CELF2: variants seen among roughly 807,000 people sequenced by gnomAD.
CELF2 encodes CUG triplet repeat RNA-binding protein 2.
A neutral mutation model predicts 62.6 loss-of-function variants in CELF2; 8 were observed. The observed-to-expected ratio is 0.13, with a 90% confidence interval of 0.07 to 0.23. The LOEUF (loss-of-function observed/expected upper bound fraction) is 0.23. Ranked by LOEUF, CELF2 falls within the 10% of genes least tolerant of loss-of-function variation. CELF2 has a pLI of 1.00. For synonymous variants in CELF2, 258 were observed against 250.0 expected (o/e 1.03, Z -0.30); for missense variants, 333 against 671.0 (o/e 0.50, Z 5.56).
intron 1 of CELF2, among the ~76,000 whole-genome samples, chr10:10,829,904 T>G (rs1193995292): frequency 6.6e-6 from 1 of 152,222 alleles, no homozygotes; most frequent in Admixed American, 6.5e-5. Context: ...TTTTTGGAAC[T>G]GATGTCATCT....
chr10:11,240,805 C>T (rs117514627), intron 3 of CELF2, among the ~76,000 whole-genome samples: 260 of 152,226 alleles, frequency 1.7e-3, no homozygotes, highest in South Asian at 6.8e-3. Flanking sequence ...TTATGTGTAG[C>T]GTGGAAGAGG....
chr10:10,689,772 AG>A, the CELF2 span, among the ~76,000 whole-genome samples: 4 of 152,222 alleles, frequency 2.6e-5, no homozygotes, highest in African/African-American at 9.6e-5. Flanking sequence ...GAATTTCAAT[AG>A]AATTGAAAGT....
intron 2 of CELF2, among the ~76,000 whole-genome samples, chr10:10,976,001 C>T (rs1046564923): frequency 8.5e-5 from 13 of 152,212 alleles, no homozygotes; most frequent in Non-Finnish European, 1.8e-4. Flanking sequence ...GGGAAAGGGG[C>T]AGTAACTTCC....
At chr10:10,945,035 G>A (rs918691581) in intron 2 of CELF2, among the ~76,000 whole-genome samples, 22 of 152,180 alleles carry the variant, frequency 1.4e-4, no homozygotes, top group Non-Finnish European at 2.6e-4. Context: ...ATCAGCCTGA[G>A]AGGAGAGCCC....
intron 2 of CELF2, among the ~76,000 whole-genome samples, chr10:11,179,261 G>A (rs763869871): frequency 8.7e-5 from 13 of 148,990 alleles, no homozygotes; most frequent in Admixed American, 2.1e-4. Flanking sequence ...AATAAAAATA[G>A]GCACGTAATA....
chr10:10,835,613 C>T (rs2058225431), intron 1 of CELF2, among the ~76,000 whole-genome samples: 1 of 152,116 alleles, frequency 6.6e-6, no homozygotes, highest in Non-Finnish European at 1.5e-5. Flanking sequence ...AAACTCCTGA[C>T]CTCAGGTGAT....
At chr10:10,733,053 G>C in the CELF2 span, among the ~76,000 whole-genome samples, 155 of 152,240 alleles carry the variant, frequency 1.0e-3, no homozygotes, top group South Asian at 4.4e-3. Context: ...AGTAACTGCA[G>C]GACCATATTT....
chr10:10,673,577 T>C, the CELF2 span, among the ~76,000 whole-genome samples: 1 of 152,094 alleles, frequency 6.6e-6, no homozygotes, highest in African/African-American at 2.4e-5. Flanking sequence ...TTCTACTTAC[T>C]TTGGATTTAA....
At chr10:10,791,857 C>T in the CELF2 span, among the ~76,000 whole-genome samples, 2 of 151,858 alleles carry the variant, frequency 1.3e-5, no homozygotes, top group Admixed American at 6.6e-5. Context: ...TTTTTCTTAA[C>T]GGGGTTTGTA....
At chr10:11,180,254 C>G (rs1360932103) in intron 2 of CELF2, among the ~76,000 whole-genome samples, 2 of 152,128 alleles carry the variant, frequency 1.3e-5, no homozygotes, top group Non-Finnish European at 2.9e-5. Context: ...AAAGCGGCAA[C>G]AAGAGTGGAA....
chr10:11,058,160 T>G lies in CELF2; in HGVS notation c.74+39997T>G, dbSNP rs1236089939. On this transcript the variant is annotated intron_variant, in intron 1 of 12. Transcript: ENST00000633077. ...CATGTTCCAGTCGAGTTGTAGTATT[T>G]ATTGCAAACAAGTAGGCATAAAATA... 2.6e-5 allele frequency among the ~76,000 whole-genome samples: 4 copies of G among 152,102 alleles called. No individual in the cohort carries two copies. The South Asian group carries it at 8.3e-4, about 31-fold the overall frequency.
At chr10:11,245,412 T>G (rs1208081438) in intron 3 of CELF2, among the ~76,000 whole-genome samples, 1 of 152,258 alleles carries the variant, frequency 6.6e-6, no homozygotes, top group Non-Finnish European at 1.5e-5. Context: ...CACCTTTCTC[T>G]AAGAAGGTCA....
At chr10:10,786,748 G>C in the CELF2 span, 1 of 152,148 alleles carries the variant, frequency 6.6e-6, no homozygotes, top group South Asian at 2.1e-4. Flanking sequence ...ACAGGAATAA[G>C]AAGTGTTCTA....
chr10:10,589,443 T>A, the CELF2 span, among the ~76,000 whole-genome samples: 1 of 152,198 alleles, frequency 6.6e-6, no homozygotes, highest in Non-Finnish European at 1.5e-5. Flanking sequence ...CTCAGCTAGT[T>A]TTTCAGGTTA....
At chr10:10,777,144 C>A in the CELF2 span, among the ~76,000 whole-genome samples, 2 of 152,156 alleles carry the variant, frequency 1.3e-5, no homozygotes, top group East Asian at 3.9e-4. Context: ...TTGGCACTAA[C>A]TTCTCCTGAC....
Position 11,237,157 on chromosome 10 carries a change from C to G in CELF2, c.355-11996C>G, listed in dbSNP as rs1391234032. 6.6e-6 allele frequency among the ~76,000 whole-genome samples: 1 copy of G among 152,026 alleles called. No homozygotes were observed. Among genetic ancestry groups the G allele is most frequent in the Non-Finnish European group, 1.5e-5 (1 of 67,998 alleles). On this transcript the variant is annotated intron_variant, in intron 3 of 12. Transcript: ENST00000633077. This position sits in a 1 kb window ranked among gnomAD's most constrained non-coding sequence, Gnocchi z 4.0. ...AGCAGGAATGAAAACCTCACTAGGG[C>G]TGTAGCCGTGGAAATAGAAAAGTCT...
chr10:10,787,983 C>A, the CELF2 span, among the ~76,000 whole-genome samples: 9 of 152,132 alleles, frequency 5.9e-5, no homozygotes, highest in Non-Finnish European at 1.5e-5. Context: ...CTGTCAAAAT[C>A]ATATCACCAA....
At chr10:10,507,317 G>A in the CELF2 span, among the ~76,000 whole-genome samples, 3 of 151,672 alleles carry the variant, frequency 2.0e-5, no homozygotes, top group Non-Finnish European at 4.4e-5. Flanking sequence ...CCTAAATTTT[G>A]AGAAACAAAA....
At chr10:11,029,836 T>C (rs2059819368) in intron 1 of CELF2, among the ~76,000 whole-genome samples, 1 of 152,258 alleles carries the variant, frequency 6.6e-6, no homozygotes, top group African/African-American at 2.4e-5. Flanking sequence ...TCTGATTAAC[T>C]TTATAGGCAG....
Sources: gnomAD v4.1 joint callset for allele counts (sites outside exome capture counted in the v4.1 genomes callset) on GRCh38, gnomAD v4.1.1 for gene constraint, Gnocchi (gnomAD v3.1) non-coding constraint, MANE v1.5 for transcripts, NCBI Gene and HGNC (gene_info 2026-07-23, HGNC 2026-07-21) for gene names.